The following SHROOM3 variants were observed in gnomAD, a reference collection of about 807,000 sequenced individuals.
SHROOM3 encodes the protein shroom family member 3.
SHROOM3 carries 47 observed loss-of-function variants against 138.6 expected under a neutral mutation model. The observed-to-expected ratio is 0.34, with a 90% CI of 0.27 to 0.43. SHROOM3 has a LOEUF of 0.43. Among genes scored for constraint, SHROOM3 ranks in the 20% least tolerant of loss-of-function variants. The pLI, the probability that SHROOM3 is intolerant of heterozygous loss-of-function variation, is 1.00. For missense variants in SHROOM3, 2,491 were observed against 2,596.5 expected (o/e 0.96, Z 0.88); for synonymous variants, 1,062 against 1,063.3 (o/e 1.00, Z 0.02).
intron 1 of SHROOM3, among the ~76,000 whole-genome samples, chr4:76,510,946 C>T (rs1386827164): frequency 3.3e-5 from 5 of 152,118 alleles, no homozygotes; most frequent in South Asian, 2.1e-4. Context: ...TTTGGGAGGC[C>T]GAGGCAGGTG....
intron 1 of SHROOM3, among the ~76,000 whole-genome samples, chr4:76,547,698 G>A (rs1733253254): frequency 6.6e-6 from 1 of 152,118 alleles, no homozygotes; most frequent in African/African-American, 2.4e-5. Context: ...GGGAGGCTGA[G>A]GTGGGTGGAT....
At position 76,739,410 on chromosome 4, in the gene SHROOM3, T is replaced by C. The variant is rs1235643199; in HGVS notation, c.1237T>C (p.Cys413Arg). ...GTCTAGCCTTGATCAGAAACGGCTC[T>C]GCCGGCCTCAGGCAAACTCTTTAGG... ...SWSSLDQKRLCRPQANSLGSL... is the reference protein window; with the variant it reads ...SWSSLDQKRLRRPQANSLGSL... Residue 413 changes from cysteine to arginine, a missense_variant, in exon 5 of 11, where the codon TGC becomes CGC. Physicochemically the swap from Cys to Arg is radical, Grantham distance 180 (BLOSUM62 -3). This residue lies in a region of SHROOM3 where 1,733 missense variants were observed against 1,661.6 expected (regional missense o/e 1.04). Transcript: ENST00000296043. 12 of 1,614,022 alleles carry C rather than the reference T, an allele frequency of 7.4e-6. No homozygotes were observed. Among genetic ancestry groups the C allele is most frequent in the African/African-American group, 4.0e-5 (3 of 74,936 alleles).
intron 10 of SHROOM3, among the ~76,000 whole-genome samples, chr4:76,772,088 A>G (rs573478848): frequency 2.9e-4 from 42 of 145,938 alleles, no homozygotes; most frequent in African/African-American, 1.0e-3. Flanking sequence ...CTATGCTACC[A>G]TCTTTTTTCT....
chr4:76,440,966 A>G (rs1187658611), intron 1 of SHROOM3, among the ~76,000 whole-genome samples: 2 of 151,834 alleles, frequency 1.3e-5, no homozygotes, highest in African/African-American at 4.8e-5. Context: ...CTTGTCCACC[A>G]AGACTTGACT....
chr4:76,690,336 T>A (rs1313087356), intron 2 of SHROOM3, among the ~76,000 whole-genome samples: 7 of 152,204 alleles, frequency 4.6e-5, no homozygotes, highest in Admixed American at 3.9e-4. Flanking sequence ...GGGATGTATT[T>A]CTCTTCCTCT....
intron 1 of SHROOM3, among the ~76,000 whole-genome samples, chr4:76,512,792 G>A (rs1046576807): frequency 6.6e-6 from 1 of 152,136 alleles, no homozygotes; most frequent in Non-Finnish European, 1.5e-5. Context: ...AGAAAATTTG[G>A]TAAAGGCCTT....
At position 76,612,185 on chromosome 4, in the gene SHROOM3, A is replaced by C. The variant is rs369574030; in HGVS notation, c.323+56422A>C. On this transcript the variant is annotated intron_variant, in intron 2 of 10. Transcript: ENST00000296043. ...GCAGTATCCAGTAATAATATTATAC[A>C]TCTAAAGGAAGGAGCAAAATTTTAA... 2.0e-5 allele frequency among the ~76,000 whole-genome samples: 3 copies of C among 152,186 alleles called. No individual in the cohort carries two copies. The East Asian group carries it at 5.8e-4, about 29-fold the overall frequency.
At chr4:76,761,251 A>G (rs1448061278) in intron 9 of SHROOM3, among the ~76,000 whole-genome samples, 2 of 151,974 alleles carry the variant, frequency 1.3e-5, no homozygotes, top group African/African-American at 4.8e-5. Flanking sequence ...TACCCAATTA[A>G]CTGTTTTCCC....
At chr4:76,589,092 C>T (rs1195745041) in intron 2 of SHROOM3, among the ~76,000 whole-genome samples, 2 of 152,246 alleles carry the variant, frequency 1.3e-5, no homozygotes, top group Non-Finnish European at 2.9e-5. Context: ...GGTGGCATAT[C>T]ATCTGATCCC....
At chr4:76,551,471 C>T (rs754489494) in intron 1 of SHROOM3, among the ~76,000 whole-genome samples, 8 of 152,088 alleles carry the variant, frequency 5.3e-5, no homozygotes, top group African/African-American at 7.2e-5. Flanking sequence ...TGAGCAAGAC[C>T]GTATCTACAG....
At chr4:76,555,483 G>A (rs543023425) in intron 1 of SHROOM3, 126 bp from the exon 2 acceptor site, 80 of 1,379,694 alleles carry the variant, frequency 5.8e-5, no homozygotes, top group Middle Eastern at 2.5e-4. Context: ...GGCTGCAAGC[G>A]CTGGGGTGTG....
At chr4:76,549,006 T>C (rs1303343339) in intron 1 of SHROOM3, among the ~76,000 whole-genome samples, 1 of 152,210 alleles carries the variant, frequency 6.6e-6, no homozygotes, top group Non-Finnish European at 1.5e-5. Flanking sequence ...CTGAAGTAAT[T>C]GGTCCAAAAG....
At chr4:76,696,707 C>T (rs909787470) in intron 2 of SHROOM3, among the ~76,000 whole-genome samples, 5 of 152,170 alleles carry the variant, frequency 3.3e-5, no homozygotes, top group African/African-American at 4.8e-5. Context: ...TGATGACTCA[C>T]TTCTCTACCT....
chr4:76,731,795 C>CA (rs1720895591), intron 4 of SHROOM3, among the ~76,000 whole-genome samples: 1 of 96,946 alleles, frequency 1.0e-5, no homozygotes, highest in Admixed American at 9.8e-5. Flanking sequence ...AAAAAACAAA[C>CA]AAACAAACAA....
intron 2 of SHROOM3, among the ~76,000 whole-genome samples, chr4:76,638,606 T>G (rs1378214181): frequency 6.6e-6 from 1 of 152,188 alleles, no homozygotes; most frequent in Non-Finnish European, 1.5e-5. Flanking sequence ...TAGTTAAAGG[T>G]TAATTTTCTG....
At chr4:76,556,104 G>A (rs1035448630) in intron 2 of SHROOM3, among the ~76,000 whole-genome samples, 1 of 152,130 alleles carries the variant, frequency 6.6e-6, no homozygotes, top group Non-Finnish European at 1.5e-5. Flanking sequence ...TTTGTCTGGT[G>A]GGACTAGAGA....
chr4:76,542,958 G>A (rs1472270670), intron 1 of SHROOM3, among the ~76,000 whole-genome samples: 1 of 152,170 alleles, frequency 6.6e-6, no homozygotes, highest in Non-Finnish European at 1.5e-5. Context: ...AAAGGCCTAA[G>A]AGACACAAAA....
chr4:76,552,802 G>A (rs903158799), intron 1 of SHROOM3, among the ~76,000 whole-genome samples: 5 of 151,996 alleles, frequency 3.3e-5, no homozygotes, highest in Admixed American at 1.3e-4. Flanking sequence ...ACTAAAAAAA[G>A]AGAAAATATG....
intron 1 of SHROOM3, among the ~76,000 whole-genome samples, chr4:76,543,996 C>G (rs1560540053): frequency 6.6e-6 from 1 of 152,132 alleles, no homozygotes; most frequent in East Asian, 1.9e-4. Context: ...CTTCTCTAAT[C>G]GTGGATTTCA....
Sources: gnomAD v4.1 joint callset for allele counts (sites outside exome capture counted in the v4.1 genomes callset) on GRCh38, gnomAD v4.1.1 for gene constraint, gnomAD v4.1.1 regional missense constraint, MANE v1.5 for transcripts, NCBI Gene and HGNC (gene_info 2026-07-23, HGNC 2026-07-21) for gene names.